The following PCDH15 variants were observed in gnomAD, a reference collection of about 807,000 sequenced individuals.
PCDH15 encodes the protein protocadherin related 15, also known as protocadherin-15.
Under a neutral mutation model 178.5 loss-of-function variants are expected in PCDH15, and 129 were observed. That is an observed-to-expected ratio of 0.72 (90% CI 0.63 to 0.84). The LOEUF (loss-of-function observed/expected upper bound fraction) is 0.84, where lower values mean the gene tolerates loss of function less well. Ranked by LOEUF, PCDH15 falls within the 40% of genes least tolerant of loss-of-function variation. The probability of loss-of-function intolerance (pLI) is 0.00; values close to 1 mark genes in which losing one functional copy is unlikely to be tolerated. For synonymous variants in PCDH15, 800 were observed against 732.0 expected (o/e 1.09, Z -1.50); for missense variants, 2,230 against 2,099.9 (o/e 1.06, Z -1.21).
intron 26 of PCDH15, among the ~76,000 whole-genome samples, chr10:53,889,136 T>A (rs2081381863): frequency 1.3e-5 from 2 of 151,544 alleles, no homozygotes; most frequent in Admixed American, 6.6e-5. Flanking sequence ...GAAATAAACT[T>A]AAAAAAGTCA....
intron 2 of PCDH15, among the ~76,000 whole-genome samples, chr10:55,089,866 C>T (rs1422105641): frequency 6.6e-6 from 1 of 152,016 alleles, no homozygotes; most frequent in Non-Finnish European, 1.5e-5. Flanking sequence ...GTTAATGTTC[C>T]TCTTACTTCC....
chr10:54,237,500 TTATAA>T, intron 8 of PCDH15, among the ~76,000 whole-genome samples: 1 of 152,328 alleles, frequency 6.6e-6, no homozygotes, highest in East Asian at 1.9e-4. Context: ...ATGTTTAAAA[TTATAA>T]TATACTTCTT....
intron 8 of PCDH15, among the ~76,000 whole-genome samples, chr10:54,305,828 TG>T (rs2060433405): frequency 1.3e-5 from 2 of 150,516 alleles, no homozygotes; most frequent in South Asian, 2.1e-4. Flanking sequence ...GAGAATATTC[TG>T]GAAAAAAAAA....
In PCDH15 at chr10:54,000,467, T is replaced by C. The variant is rs554978320; in HGVS notation, c.2752-4702A>G. 3.9e-5 allele frequency among the ~76,000 whole-genome samples: 6 copies of C among 152,208 alleles called. No individual in the cohort carries two copies. In the South Asian group the frequency reaches 6.2e-4, roughly 16 times the overall value. On this transcript the variant is annotated intron_variant, in intron 20 of 37. Transcript: ENST00000644397. ...AGAAGAAATTTAGAATTCTATCAGA[T>C]ACATTTAACAAAGAGATTGAAATAA...
chr10:54,345,667 G>A (rs1214870925), intron 6 of PCDH15, among the ~76,000 whole-genome samples: 2 of 151,604 alleles, frequency 1.3e-5, no homozygotes, highest in African/African-American at 4.8e-5. Context: ...GGATCACGAG[G>A]TCAGGAGATT....
intron 16 of PCDH15, among the ~76,000 whole-genome samples, chr10:54,087,450 G>C (rs1490096421): frequency 1.3e-5 from 2 of 152,078 alleles, no homozygotes. Context: ...TATTTTCAAG[G>C]TTCATACATG....
chr10:53,934,616 C>A (rs1589501057), intron 25 of PCDH15, among the ~76,000 whole-genome samples: 1 of 151,140 alleles, frequency 6.6e-6, no homozygotes, highest in Non-Finnish European at 1.5e-5. Flanking sequence ...AAAAAAATCA[C>A]ACGGAGATGT....
At chr10:54,488,952 A>T (rs2079339757) in intron 3 of PCDH15, among the ~76,000 whole-genome samples, 1 of 152,202 alleles carries the variant, frequency 6.6e-6, no homozygotes, top group South Asian at 2.1e-4. Flanking sequence ...TTAACAGCGC[A>T]AAATTAGACT....
chr10:55,381,452 G>A (rs1439195601), intron 2 of PCDH15, among the ~76,000 whole-genome samples: 1 of 152,134 alleles, frequency 6.6e-6, no homozygotes, highest in Admixed American at 6.5e-5. Flanking sequence ...ATGATTAGGA[G>A]TAGAAACAAG....
chr10:53,990,268 G>T (rs1314435631), intron 21 of PCDH15, among the ~76,000 whole-genome samples: 1 of 151,890 alleles, frequency 6.6e-6, no homozygotes, highest in African/African-American at 2.4e-5. Flanking sequence ...CGCTACAATA[G>T]TTCTCAAAAT....
chr10:55,167,265 C>T (rs1208045460), intron 1 of PCDH15, among the ~76,000 whole-genome samples: 1 of 151,982 alleles, frequency 6.6e-6, no homozygotes, highest in African/African-American at 2.4e-5. Flanking sequence ...AGATATGTGC[C>T]ACCATACTCA....
chr10:54,333,190 G>A (rs988645888), intron 6 of PCDH15, among the ~76,000 whole-genome samples: 1 of 151,998 alleles, frequency 6.6e-6, no homozygotes, highest in African/African-American at 2.4e-5. Context: ...TCAAGGGTAT[G>A]CCCACCTTGC....
chr10:54,173,327 A>AT (rs1170147397), intron 13 of PCDH15, among the ~76,000 whole-genome samples: 1 of 152,088 alleles, frequency 6.6e-6, no homozygotes, highest in African/African-American at 2.4e-5. Flanking sequence ...AATACTTTAA[A>AT]TGCTCTACAC....
At chr10:54,194,456 A>G (rs1239338920) in intron 11 of PCDH15, among the ~76,000 whole-genome samples, 1 of 152,144 alleles carries the variant, frequency 6.6e-6, no homozygotes, top group Non-Finnish European at 1.5e-5. Context: ...TTCCATCATC[A>G]CAAAAAAATC....
chr10:54,537,879 A>AT (rs1324609740), intron 2 of PCDH15, among the ~76,000 whole-genome samples: 2 of 151,820 alleles, frequency 1.3e-5, no homozygotes, highest in Non-Finnish European at 2.9e-5. Flanking sequence ...GATGTTGAGC[A>AT]TTTTTTCATG....
At chr10:55,135,413 C>T (rs1240869340) in intron 2 of PCDH15, among the ~76,000 whole-genome samples, 1 of 151,916 alleles carries the variant, frequency 6.6e-6, no homozygotes, top group East Asian at 1.9e-4. Context: ...AACACACATA[C>T]AGACAAGAAT....
intron 13 of PCDH15, among the ~76,000 whole-genome samples, chr10:54,169,946 A>G (rs1436360970): frequency 6.6e-6 from 1 of 150,854 alleles, no homozygotes; most frequent in Non-Finnish European, 1.5e-5. Flanking sequence ...TGCCAAACCC[A>G]TATACTCTCC....
intron 1 of PCDH15, among the ~76,000 whole-genome samples, chr10:55,188,523 C>G (rs577507197): frequency 6.6e-6 from 1 of 151,662 alleles, no homozygotes; most frequent in South Asian, 2.1e-4. Context: ...TTTAACAGAC[C>G]CTCACTCTTT....
chr10:55,602,344 T>TA (rs1843105948), intron 2 of PCDH15, among the ~76,000 whole-genome samples: 1 of 133,434 alleles, frequency 7.5e-6, no homozygotes, highest in African/African-American at 2.6e-5. Context: ...CTTGCTTAGG[T>TA]AAAAAAAGCG....
Sources: gnomAD v4.1 joint callset for allele counts (sites outside exome capture counted in the v4.1 genomes callset) on GRCh38, gnomAD v4.1.1 for gene constraint, MANE v1.5 for transcripts, NCBI Gene and HGNC (gene_info 2026-07-23, HGNC 2026-07-21) for gene names.